TRDN: variants seen among roughly 807,000 people sequenced by gnomAD.
The protein encoded by TRDN is triadin.
A neutral mutation model predicts 149.7 loss-of-function variants in TRDN; 161 were observed. The ratio of observed to expected loss-of-function variants is 1.08; its 90% CI spans 0.95 to 1.23. The LOEUF (loss-of-function observed/expected upper bound fraction) is 1.23, where lower values mean the gene tolerates loss of function less well. Ranked by LOEUF, TRDN falls within the 50% of genes most tolerant of loss-of-function variation. TRDN has a pLI of 0.00. For missense variants in TRDN, 896 were observed against 823.5 expected (o/e 1.09, Z -1.08); for synonymous variants, 294 against 250.5 (o/e 1.17, Z -1.64).
chr6:123,420,330 C>T (rs1773842885), intron 12 of TRDN, among the ~76,000 whole-genome samples: 1 of 151,998 alleles, frequency 6.6e-6, no homozygotes, highest in Admixed American at 6.6e-5. Flanking sequence ...GAAATACAAG[C>T]AGCCTTTCAA....
At chr6:123,583,882 A>C (rs1229435426) in intron 1 of TRDN, 10 of 240,310 alleles carry the variant, frequency 4.2e-5, no homozygotes, top group Admixed American at 9.2e-5. Context: ...ATCCCTGAGG[A>C]GTGGTAGAAT....
intron 38 of TRDN, among the ~76,000 whole-genome samples, chr6:123,251,417 CA>C (rs928972644): frequency 1.3e-5 from 2 of 151,330 alleles, no homozygotes; most frequent in Admixed American, 6.6e-5. Context: ...AATCTCAATA[CA>C]AAAAAAGAAT....
chr6:123,271,290 A>G (rs1308327145), intron 29 of TRDN, 104 bp from the exon 30 acceptor site: 1 of 722,176 alleles, frequency 1.4e-6, no homozygotes, highest in Non-Finnish European at 2.1e-6. Context: ...CAATGCCAAG[A>G]AAAACTTGTT....
chr6:123,316,766 T>C (rs1562259340), intron 23 of TRDN, among the ~76,000 whole-genome samples: 1 of 151,836 alleles, frequency 6.6e-6, no homozygotes, highest in Non-Finnish European at 1.5e-5. Flanking sequence ...CTTCTTGTCT[T>C]TAATAAAAGC....
chr6:123,322,709 C>T (rs906036342), intron 23 of TRDN, among the ~76,000 whole-genome samples: 13 of 151,372 alleles, frequency 8.6e-5, no homozygotes, highest in African/African-American at 2.4e-4. Flanking sequence ...GGCGCAATCT[C>T]GGCTCACTGC....
At chr6:123,555,321 C>G (rs1011578564) in intron 2 of TRDN, among the ~76,000 whole-genome samples, 6 of 151,882 alleles carry the variant, frequency 4.0e-5, no homozygotes. Flanking sequence ...GAATTTATTG[C>G]GTTCTTATTT....
intron 10 of TRDN, among the ~76,000 whole-genome samples, chr6:123,460,381 T>C (rs1473059149): frequency 6.6e-6 from 1 of 152,166 alleles, no homozygotes; most frequent in Non-Finnish European, 1.5e-5. Context: ...AACCAATGGT[T>C]GAGTATCTAA....
At chr6:123,344,335 T>C (rs1780175004) in intron 21 of TRDN, among the ~76,000 whole-genome samples, 1 of 152,034 alleles carries the variant, frequency 6.6e-6, no homozygotes, top group Admixed American at 6.6e-5. Flanking sequence ...ATACATCTTA[T>C]AGATTTTGAC....
intron 12 of TRDN, among the ~76,000 whole-genome samples, chr6:123,402,298 G>C (rs934272931): frequency 6.6e-6 from 1 of 152,142 alleles, no homozygotes; most frequent in African/African-American, 2.4e-5. Flanking sequence ...GCAGCCAACT[G>C]ATCAGACCAC....
chr6:123,232,522 C>G (rs193034311), intron 38 of TRDN, among the ~76,000 whole-genome samples: 3 of 151,858 alleles, frequency 2.0e-5, no homozygotes, highest in East Asian at 2.0e-4. Flanking sequence ...CTCTGAGAAG[C>G]AGAAAGGGCA....
intron 9 of TRDN, among the ~76,000 whole-genome samples, chr6:123,483,613 G>T (rs1777860889): frequency 6.6e-6 from 1 of 152,120 alleles, no homozygotes; most frequent in Non-Finnish European, 1.5e-5. Context: ...CTGGAATTTT[G>T]TAGAGAATAT....
intron 23 of TRDN, among the ~76,000 whole-genome samples, chr6:123,325,347 G>A (rs1460658897): frequency 6.6e-6 from 1 of 151,898 alleles, no homozygotes; most frequent in Non-Finnish European, 1.5e-5. Context: ...TAGAGACTAG[G>A]CACCAAGAAA....
rs759021122 is a variant in TRDN, at chr6:123,221,531, TA to T, written c.2015-10del. 4 of 1,546,236 alleles carry T rather than the reference TA, an allele frequency of 2.6e-6. No homozygotes were observed. Among genetic ancestry groups the T allele is most frequent in the South Asian group, 1.2e-5 (1 of 86,768 alleles). ...CACATCTTCAGTTCCTTCTAGTGGA[TA>T]AAAAATATAAAAGTAAATAACTTGT... On this transcript the variant is annotated splice_polypyrimidine_tract_variant and intron_variant, in intron 39 of 40. Coordinates refer to ENST00000334268, the MANE Select transcript of TRDN (RefSeq NM_006073.4).
At chr6:123,559,491 C>G (rs113226741) in intron 2 of TRDN, among the ~76,000 whole-genome samples, 1 of 152,048 alleles carries the variant, frequency 6.6e-6, no homozygotes, top group Non-Finnish European at 1.5e-5. Flanking sequence ...CCTTTGCGTG[C>G]TCCTCTTGTA....
Position 123,497,095 on chromosome 6 carries a change from T to G in TRDN, c.853+98A>C. The G allele has an allele frequency of 5.3e-6, 5 of 937,350 alleles. No individual in the cohort carries two copies. In the South Asian group the frequency reaches 9.9e-5, roughly 18 times the overall value. 58.1% of individuals were successfully genotyped at this position (937,350 alleles called of 1,614,324 possible). On this transcript the variant is annotated intron_variant, in intron 9 of 40. Coordinates refer to ENST00000334268, the MANE Select transcript of TRDN (RefSeq NM_006073.4). ...CTAGATCTACACATGCATTATGCAA[T>G]TTTTAAAAAATGAAAATACAGTTAG...
In TRDN at chr6:123,261,217, T is replaced by A. The variant is rs117806765; in HGVS notation, c.1805-579A>T. On this transcript the variant is annotated intron_variant, in intron 33 of 40. Coordinates refer to ENST00000334268, the MANE Select transcript of TRDN (RefSeq NM_006073.4). Reference sequence around the variant, plus strand: ...GGTTTTCTTAGTTACAAATTATAAATCTGTTACATTTTTAATCTTCATTGA... The same window carrying A: ...GGTTTTCTTAGTTACAAATTATAAAACTGTTACATTTTTAATCTTCATTGA... Among the ~76,000 whole-genome samples, 1,267 of 151,912 alleles carry A rather than the reference T, an allele frequency of 8.3e-3. 27 individuals carry two copies. Among genetic ancestry groups the A allele is most frequent in the East Asian group, 0.08 (413 of 5,176 alleles).
intron 1 of TRDN, among the ~76,000 whole-genome samples, chr6:123,625,351 A>AT (rs993875186): frequency 7.3e-5 from 11 of 151,200 alleles, no homozygotes; most frequent in South Asian, 2.1e-4. Context: ...CAAATCACAC[A>AT]TTTTTTTTTC....
intron 22 of TRDN, among the ~76,000 whole-genome samples, chr6:123,332,808 A>G (rs1261460980): frequency 2.0e-5 from 3 of 152,028 alleles, no homozygotes; most frequent in African/African-American, 7.2e-5. Flanking sequence ...GTGCTTGTAA[A>G]TGGAGATGCC....
chr6:123,585,471 C>T (rs1244327057), intron 1 of TRDN, among the ~76,000 whole-genome samples: 2 of 152,082 alleles, frequency 1.3e-5, no homozygotes, highest in Non-Finnish European at 2.9e-5. Flanking sequence ...TGGGGACAGA[C>T]TTATCCTTCA....
Sources: allele counts gnomAD v4.1 joint callset (sites outside exome capture counted in the v4.1 genomes callset), GRCh38; gene constraint gnomAD v4.1.1; transcripts MANE v1.5; gene names NCBI Gene and HGNC (gene_info 2026-07-23, HGNC 2026-07-21).